Variants in ANO5 observed in about 807,000 individuals in gnomAD.
ANO5 encodes the protein anoctamin-5.
In ANO5, 109 loss-of-function variants were observed where a neutral mutation model predicts 121.0. The ratio of observed to expected loss-of-function variants is 0.90; its 90% confidence interval spans 0.77 to 1.06. ANO5 has a LOEUF of 1.06. Among genes scored for constraint, ANO5 ranks in the 50% least tolerant of loss-of-function variants. The pLI, the probability that ANO5 is intolerant of heterozygous loss-of-function variation, is 0.00. For missense variants in ANO5, 1,064 were observed against 1,078.5 expected, an observed-to-expected ratio of 0.99 and a Z score of 0.19; for synonymous variants, 406 against 359.9, an observed-to-expected ratio of 1.13 and a Z score of -1.45.
intron 3 of ANO5, among the ~76,000 whole-genome samples, chr11:22,212,969 A>G (rs1455855410): frequency 6.6e-6 from 1 of 151,478 alleles, no homozygotes; most frequent in Admixed American, 6.6e-5. Context: ...AAAATGATGT[A>G]TGATATTTGA....
intron 19 of ANO5, among the ~76,000 whole-genome samples, chr11:22,274,163 TACACACACACACAC>T (rs34022294): frequency 0.03 from 4,317 of 143,826 alleles, 192 homozygotes; most frequent in African/African-American, 0.1. Flanking sequence ...GTTAATCTCT[TACACACACACACAC>T]ACACACACAC....
intron 5 of ANO5, among the ~76,000 whole-genome samples, chr11:22,222,370 G>C (rs1448010245): frequency 1.3e-5 from 2 of 151,628 alleles, no homozygotes; most frequent in Non-Finnish European, 2.9e-5. Flanking sequence ...TGACACTCTG[G>C]CCTCTCTGTT....
chr11:22,236,055 G>A (rs533193329), intron 7 of ANO5, 108 bp from the exon 8 acceptor site: 2 of 747,212 alleles, frequency 2.7e-6, no homozygotes, highest in South Asian at 3.0e-5. Flanking sequence ...TCTATAATTA[G>A]AGCCTGTATC....
chr11:22,267,919 G>T (rs554995062), intron 17 of ANO5, among the ~76,000 whole-genome samples: 8 of 152,268 alleles, frequency 5.3e-5, no homozygotes. Flanking sequence ...CTCCATCCAT[G>T]TTCCTGCAAA....
intron 1 of ANO5, among the ~76,000 whole-genome samples, chr11:22,201,886 T>G (rs1851975762): frequency 6.6e-6 from 1 of 152,114 alleles, no homozygotes; most frequent in African/African-American, 2.4e-5. Context: ...ACATAAACTT[T>G]GGGAGACAAA....
chr11:22,255,735 G>A (rs146229741), intron 13 of ANO5, among the ~76,000 whole-genome samples: 5 of 152,078 alleles, frequency 3.3e-5, no homozygotes, highest in African/African-American at 1.2e-4. Flanking sequence ...TTCAAATGTA[G>A]ATAGAAAAAT....
At chr11:22,224,794 C>A (rs1000049477) in intron 5 of ANO5, among the ~76,000 whole-genome samples, 1 of 151,850 alleles carries the variant, frequency 6.6e-6, no homozygotes, top group Non-Finnish European at 1.5e-5. Context: ...GAAAACGTGG[C>A]AAATACATAA....
At chr11:22,264,475 TA>T (rs962759628) in intron 17 of ANO5, among the ~76,000 whole-genome samples, 24 of 145,702 alleles carry the variant, frequency 1.6e-4, no homozygotes, top group African/African-American at 5.2e-4. Context: ...AAAAAAATTT[TA>T]AAAAAAAAAC....
intron 1 of ANO5, among the ~76,000 whole-genome samples, chr11:22,194,188 C>A (rs1201026165): frequency 6.6e-6 from 1 of 152,264 alleles, no homozygotes; most frequent in South Asian, 2.1e-4. Context: ...TTTGCCAAAG[C>A]CTTTACACCA....
At chr11:22,248,041 T>C (rs1853680380) in intron 9 of ANO5, among the ~76,000 whole-genome samples, 1 of 152,158 alleles carries the variant, frequency 6.6e-6, no homozygotes, top group Non-Finnish European at 1.5e-5. Flanking sequence ...CTCAGATGTT[T>C]ATGGATTCAT....
intron 12 of ANO5, among the ~76,000 whole-genome samples, chr11:22,252,029 C>CAAAAAAAAAAAAAAAAAAAAAAAA (rs10525160): frequency 4.4e-5 from 2 of 45,856 alleles, no homozygotes; most frequent in African/African-American, 1.3e-4. Flanking sequence ...GACGCCGTCT[C>CAAAAAAAAAAAAAAAAAAAAAAAA]AAAAAAAAAA....
At position 22,262,162 on chromosome 11, in the gene ANO5, G is replaced by A. The variant is rs375014127; in HGVS notation, c.1664G>A (p.Ser555Asn). 1 of 1,613,942 alleles carries A rather than the reference G, an allele frequency of 6.2e-7. No individual in the cohort carries two copies. Among genetic ancestry groups the A allele is most frequent in the East Asian group, 2.2e-5 (1 of 44,838 alleles). The change falls in exon 16 of 22, where the codon AGT (serine) becomes AAT (asparagine). Residue 555 changes from serine to asparagine, a missense_variant. Coordinates refer to ENST00000324559, the MANE Select transcript of ANO5 (RefSeq NM_213599.3). ...IPRTYQEYES[S>N]LTLKMFLFQF... ...CGAACATACCAGGAGTATGAGAGCA[G>A]TCTTACCTTGAAAATGTTCCTGTTT...
chr11:22,236,760 G>T (rs988263767), intron 8 of ANO5, among the ~76,000 whole-genome samples: 8 of 152,130 alleles, frequency 5.3e-5, no homozygotes, highest in Admixed American at 2.0e-4. Flanking sequence ...TCATAGACTA[G>T]GACTCTCCTA....
chr11:22,253,305 T>C (rs1853887791), intron 12 of ANO5, among the ~76,000 whole-genome samples: 1 of 152,116 alleles, frequency 6.6e-6, no homozygotes, highest in South Asian at 2.1e-4. Flanking sequence ...CTTACAGTAC[T>C]CTTTTTGCTA....
intron 1 of ANO5, among the ~76,000 whole-genome samples, chr11:22,196,585 T>C (rs1297596356): frequency 6.6e-6 from 1 of 151,556 alleles, no homozygotes; most frequent in Non-Finnish European, 1.5e-5. Flanking sequence ...TAAATGACAC[T>C]GTTGGCTGGG....
chr11:22,193,910 C>T (rs967947849), intron 1 of ANO5, among the ~76,000 whole-genome samples: 5 of 152,126 alleles, frequency 3.3e-5, no homozygotes, highest in Non-Finnish European at 7.4e-5. Flanking sequence ...CGAAGGCTTT[C>T]CCAAAAAAAG....
At chr11:22,278,697 TTTCACTGGA>T (rs770754615) in intron 21 of ANO5, among the ~76,000 whole-genome samples, 9 of 151,638 alleles carry the variant, frequency 5.9e-5, no homozygotes, top group Non-Finnish European at 1.3e-4. Flanking sequence ...GAGCTGATAT[TTTCACTGGA>T]TCCTTACAAA....
intron 20 of ANO5, among the ~76,000 whole-genome samples, 177 bp from the exon 21 acceptor site, chr11:22,275,917 C>A (rs1362014342): frequency 2.6e-5 from 4 of 151,680 alleles, no homozygotes; most frequent in East Asian, 1.9e-4. Context: ...GTAGCATATA[C>A]CCTGACTTTA....
chr11:22,239,516 C>G, intron 8 of ANO5, 53 bp from the exon 9 acceptor site: 1 of 1,290,254 alleles, frequency 7.8e-7, no homozygotes, highest in Non-Finnish European at 1.1e-6. Context: ...TTATTTACTT[C>G]GTCTTTGTCT....
Sources: gnomAD v4.1 joint callset for allele counts (sites outside exome capture counted in the v4.1 genomes callset) on GRCh38, gnomAD v4.1.1 for gene constraint, MANE v1.5 for transcripts, NCBI Gene and HGNC (gene_info 2026-07-23, HGNC 2026-07-21) for gene names.